DLG2: variants seen among roughly 807,000 people sequenced by gnomAD.
The protein encoded by DLG2 is disks large homolog 2.
Under a neutral mutation model 132.5 loss-of-function variants are expected in DLG2, and 45 were observed. The ratio of observed to expected loss-of-function variants is 0.34; its 90% CI spans 0.27 to 0.44. The LOEUF (loss-of-function observed/expected upper bound fraction) is 0.44. Among genes scored for constraint, DLG2 ranks in the 20% least tolerant of loss-of-function variants. The pLI is 1.00. For missense variants in DLG2, 1,045 were observed against 1,196.9 expected (o/e 0.87, Z 1.87); for synonymous variants, 424 against 419.6 (o/e 1.01, Z -0.13).
At chr11:85,225,709 C>G (rs2074934470) in intron 4 of DLG2, among the ~76,000 whole-genome samples, 1 of 152,004 alleles carries the variant, frequency 6.6e-6, no homozygotes, top group African/African-American at 2.4e-5. Context: ...CAAAGCATTC[C>G]AATGTTGACT....
chr11:84,642,065 CGT>C (rs1555124386), intron 6 of DLG2, among the ~76,000 whole-genome samples: 5,712 of 137,886 alleles, frequency 0.041, 323 homozygotes, highest in African/African-American at 0.14. Flanking sequence ...TATACGCACG[CGT>C]GTGTGTGTGT....
At position 83,921,896 on chromosome 11, in the gene DLG2, C is replaced by T. The variant is rs993978109; in HGVS notation, c.1496+8432G>A. 2.6e-5 allele frequency among the ~76,000 whole-genome samples: 4 copies of T among 152,092 alleles called. No individual in the cohort carries two copies. The East Asian group carries it at 5.8e-4, about 22-fold the overall frequency. On this transcript the variant is annotated intron_variant, in intron 15 of 27. Transcript: ENST00000376104. ...CAATTAAATTTAGATTGCTTTATCACGGAGTTATTTGAACGTCACAGAATA... is the reference window on the plus strand; with the variant it reads ...CAATTAAATTTAGATTGCTTTATCATGGAGTTATTTGAACGTCACAGAATA...
At chr11:85,227,217 A>C (rs1595535377) in intron 4 of DLG2, among the ~76,000 whole-genome samples, 1 of 152,298 alleles carries the variant, frequency 6.6e-6, no homozygotes, top group East Asian at 1.9e-4. Flanking sequence ...TGAAGGTAGA[A>C]AAATAAGCTA....
At chr11:83,934,901 C>T (rs2081124440) in intron 14 of DLG2, among the ~76,000 whole-genome samples, 1 of 151,640 alleles carries the variant, frequency 6.6e-6, no homozygotes, top group East Asian at 1.9e-4. Context: ...TGATCAGTAC[C>T]TTTTATTCTC....
At chr11:85,182,092 G>C (rs1183463692) in intron 4 of DLG2, among the ~76,000 whole-genome samples, 1 of 151,930 alleles carries the variant, frequency 6.6e-6, no homozygotes, top group Non-Finnish European at 1.5e-5. Flanking sequence ...GGTTAGATGT[G>C]ATGGAATTAA....
At chr11:84,599,023 T>C (rs2099569832) in intron 6 of DLG2, among the ~76,000 whole-genome samples, 1 of 151,812 alleles carries the variant, frequency 6.6e-6, no homozygotes, top group Admixed American at 6.6e-5. Context: ...GGTGGGTAGA[T>C]CACCTGAGGT....
chr11:85,302,401 G>C (rs1207786202), intron 3 of DLG2, among the ~76,000 whole-genome samples: 1 of 152,104 alleles, frequency 6.6e-6, no homozygotes, highest in Non-Finnish European at 1.5e-5. Context: ...GTCAGGCAAG[G>C]TGGTAGGTAA....
At chr11:85,467,268 G>A (rs1176678796) in intron 3 of DLG2, among the ~76,000 whole-genome samples, 1 of 152,162 alleles carries the variant, frequency 6.6e-6, no homozygotes, top group Non-Finnish European at 1.5e-5. Context: ...GGGACAATTT[G>A]ACTTCCTCTT....
At chr11:83,933,578 C>T (rs1297403474) in intron 14 of DLG2, among the ~76,000 whole-genome samples, 1 of 152,194 alleles carries the variant, frequency 6.6e-6, no homozygotes, top group African/African-American at 2.4e-5. Flanking sequence ...ACTCCATTAG[C>T]ACTTGCTATT....
At chr11:85,503,395 A>T (rs1246996025) in intron 3 of DLG2, among the ~76,000 whole-genome samples, 1 of 152,052 alleles carries the variant, frequency 6.6e-6, no homozygotes, top group Non-Finnish European at 1.5e-5. Context: ...TTTCCATTGC[A>T]GTTGACTTCT....
intron 21 of DLG2, among the ~76,000 whole-genome samples, chr11:83,521,848 T>C (rs1026886314): frequency 6.6e-6 from 1 of 151,968 alleles, no homozygotes; most frequent in Non-Finnish European, 1.5e-5. Context: ...TCCCTAGGTG[T>C]CTCCCTACTC....
chr11:85,238,413 T>G (rs1461848024), intron 4 of DLG2, among the ~76,000 whole-genome samples: 1 of 151,802 alleles, frequency 6.6e-6, no homozygotes, highest in Non-Finnish European at 1.5e-5. Context: ...CTGGCTATTT[T>G]TTGTATTTTT....
chr11:84,725,342 A>G (rs1384957817), intron 6 of DLG2, among the ~76,000 whole-genome samples: 1 of 152,174 alleles, frequency 6.6e-6, no homozygotes, highest in African/African-American at 2.4e-5. Flanking sequence ...GGAGACAATC[A>G]AACATATAAG....
intron 5 of DLG2, among the ~76,000 whole-genome samples, chr11:85,122,965 A>ATTT (rs59075111): frequency 1.6e-5 from 1 of 61,798 alleles, no homozygotes; most frequent in African/African-American, 6.6e-5. Flanking sequence ...ATATATATAT[A>ATTT]TATATTTTTT....
At chr11:85,170,999 G>A (rs577254725) in intron 4 of DLG2, among the ~76,000 whole-genome samples, 11 of 151,608 alleles carry the variant, frequency 7.3e-5, no homozygotes, top group East Asian at 1.9e-4. Flanking sequence ...ACAAATACAC[G>A]TAGAAGAAAT....
At chr11:84,057,730 T>C (rs144152132) in intron 11 of DLG2, among the ~76,000 whole-genome samples, 1 of 152,276 alleles carries the variant, frequency 6.6e-6, no homozygotes, top group Non-Finnish European at 1.5e-5. Context: ...CCAGGCCTTA[T>C]TCTAAATACT....
chr11:84,537,711 T>C (rs2099358893), intron 6 of DLG2, among the ~76,000 whole-genome samples: 1 of 152,224 alleles, frequency 6.6e-6, no homozygotes, highest in African/African-American at 2.4e-5. Context: ...TGTAAAATCT[T>C]GTAAGGACTG....
At chr11:84,364,890 A>G (rs1440900982) in intron 7 of DLG2, among the ~76,000 whole-genome samples, 2 of 152,094 alleles carry the variant, frequency 1.3e-5, no homozygotes, top group African/African-American at 2.4e-5. Context: ...AAGCTTTTTG[A>G]TGGTGCTGCT....
chr11:84,448,488 TTC>T (rs1313079432), intron 7 of DLG2, among the ~76,000 whole-genome samples: 38 of 152,070 alleles, frequency 2.5e-4, no homozygotes, highest in African/African-American at 9.2e-4. Context: ...CAAAATTATT[TTC>T]TGTTTCCCCA....
Sources: gnomAD v4.1 joint callset for allele counts (sites outside exome capture counted in the v4.1 genomes callset) on GRCh38, gnomAD v4.1.1 for gene constraint, MANE v1.5 for transcripts, NCBI Gene and HGNC (gene_info 2026-07-23, HGNC 2026-07-21) for gene names.